The following GALNTL6 variants were observed in gnomAD, a reference collection of about 807,000 sequenced individuals.
The protein encoded by GALNTL6 is polypeptide N-acetylgalactosaminyltransferase-like 6.
Under a neutral mutation model 73.7 loss-of-function variants are expected in GALNTL6, and 46 were observed. That is an observed-to-expected ratio of 0.62 (90% CI 0.49 to 0.80). The LOEUF (loss-of-function observed/expected upper bound fraction) is 0.80, where lower values mean the gene tolerates loss of function less well. GALNTL6 is among the 30% of genes least tolerant of loss of function. The pLI, the probability that GALNTL6 is intolerant of heterozygous loss-of-function variation, is 0.00. For synonymous variants in GALNTL6, 259 were observed against 263.7 expected (o/e 0.98, Z 0.17); for missense variants, 604 against 755.0 (o/e 0.80, Z 2.34).
At chr4:172,003,683 G>A (rs753549621) in intron 2 of GALNTL6, among the ~76,000 whole-genome samples, 4 of 151,978 alleles carry the variant, frequency 2.6e-5, no homozygotes, top group African/African-American at 4.8e-5. Context: ...TCACCCCTTC[G>A]AAAGACCGTT....
intron 3 of GALNTL6, among the ~76,000 whole-genome samples, chr4:172,269,485 T>C (rs577345119): frequency 1.3e-5 from 2 of 152,068 alleles, no homozygotes; most frequent in African/African-American, 4.8e-5. Context: ...TTCCCTCCAA[T>C]GTCAGGAAGA....
At chr4:171,846,831 G>T (rs1309815798) in intron 2 of GALNTL6, among the ~76,000 whole-genome samples, 1 of 145,680 alleles carries the variant, frequency 6.9e-6, no homozygotes, top group Non-Finnish European at 1.5e-5. Flanking sequence ...TCTATCTATA[G>T]ATACATAAAT....
intron 7 of GALNTL6, among the ~76,000 whole-genome samples, chr4:172,851,530 G>A (rs2111110430): frequency 6.6e-6 from 1 of 152,066 alleles, no homozygotes; most frequent in Non-Finnish European, 1.5e-5. Flanking sequence ...AAAGACGTGT[G>A]CTTCAGTTCA....
At chr4:172,494,375 T>C (rs1329764460) in intron 5 of GALNTL6, among the ~76,000 whole-genome samples, 1 of 152,216 alleles carries the variant, frequency 6.6e-6, no homozygotes, top group Admixed American at 6.5e-5. Context: ...CATACTCTCA[T>C]GACATTTTCT....
chr4:172,207,218 T>G (rs539239799), intron 2 of GALNTL6, among the ~76,000 whole-genome samples: 157 of 152,294 alleles, frequency 1.0e-3, no homozygotes, highest in African/African-American at 3.4e-3. Flanking sequence ...TTGGATTTTA[T>G]TCTAATTATA....
Position 172,461,390 on chromosome 4 carries a change from G to A in GALNTL6, c.553+112701G>A, listed in dbSNP as rs554065593. ...AAATAAAAGATTTTTTTTCTCATAA[G>A]GGAAGATAAATTTTATAGCTAAAAT... On this transcript the variant is annotated intron_variant, in intron 5 of 12. Transcript: ENST00000506823. Among the ~76,000 whole-genome samples the A allele has an allele frequency of 1.6e-3, 239 of 152,118 alleles. 1 individual carries two copies. The highest frequency in any genetic ancestry group is 2.3e-3 in the Non-Finnish European group (158 of 67,974).
chr4:172,128,903 T>C (rs555817351), intron 2 of GALNTL6, among the ~76,000 whole-genome samples: 1 of 152,332 alleles, frequency 6.6e-6, no homozygotes, highest in East Asian at 1.9e-4. Context: ...TAATACCTTA[T>C]GTTATGGCTC....
chr4:172,374,510 A>G (rs1356840828), intron 5 of GALNTL6, among the ~76,000 whole-genome samples: 3 of 152,222 alleles, frequency 2.0e-5, no homozygotes, highest in Admixed American at 2.0e-4. Flanking sequence ...TAGCTGCTCG[A>G]GGAAAGCAGA....
intron 2 of GALNTL6, among the ~76,000 whole-genome samples, chr4:171,981,001 C>T (rs1394931599): frequency 6.6e-6 from 1 of 152,076 alleles, no homozygotes; most frequent in Non-Finnish European, 1.5e-5. Flanking sequence ...TTTCAAATGC[C>T]TTAAAATTGT....
intron 5 of GALNTL6, among the ~76,000 whole-genome samples, chr4:172,716,343 G>A (rs1296758357): frequency 1.3e-5 from 2 of 152,154 alleles, no homozygotes; most frequent in African/African-American, 4.8e-5. Flanking sequence ...CCCAGTCCAT[G>A]TTATGATGAG....
At chr4:172,131,548 G>T (rs1029547136) in intron 2 of GALNTL6, among the ~76,000 whole-genome samples, 3 of 150,560 alleles carry the variant, frequency 2.0e-5, no homozygotes, top group Middle Eastern at 3.5e-3. Flanking sequence ...GTGTTTGTGT[G>T]TGTATGCTTT....
chr4:172,489,960 T>TA (rs955530517), intron 5 of GALNTL6, among the ~76,000 whole-genome samples: 1 of 152,124 alleles, frequency 6.6e-6, no homozygotes, highest in African/African-American at 2.4e-5. Flanking sequence ...AAAATGTGGG[T>TA]AAAAAATCTG....
chr4:172,311,589 A>C (rs1422375429), intron 3 of GALNTL6, 25 bp from the exon 4 acceptor site: 1 of 1,583,612 alleles, frequency 6.3e-7, no homozygotes, highest in Non-Finnish European at 8.6e-7. Context: ...AGAGATGATA[A>C]TCTCATTTTG....
At chr4:172,250,323 A>G (rs1737814135) in intron 3 of GALNTL6, among the ~76,000 whole-genome samples, 1 of 149,938 alleles carries the variant, frequency 6.7e-6, no homozygotes, top group African/African-American at 2.5e-5. Flanking sequence ...TTGTAGGCTC[A>G]TAGGCAGAAG....
At chr4:172,175,585 G>A (rs533736278) in intron 2 of GALNTL6, among the ~76,000 whole-genome samples, 1 of 152,272 alleles carries the variant, frequency 6.6e-6, no homozygotes, top group South Asian at 2.1e-4. Context: ...AAGTGATTTT[G>A]GGGAAGAATG....
At chr4:172,430,668 G>A (rs1731414153) in intron 5 of GALNTL6, among the ~76,000 whole-genome samples, 1 of 152,064 alleles carries the variant, frequency 6.6e-6, no homozygotes, top group African/African-American at 2.4e-5. Context: ...AGCTTGGCTT[G>A]GTGGTACACT....
At chr4:172,210,556 A>G (rs938734929) in intron 2 of GALNTL6, among the ~76,000 whole-genome samples, 3 of 152,048 alleles carry the variant, frequency 2.0e-5, no homozygotes, top group African/African-American at 7.2e-5. Context: ...AGATGGGATT[A>G]TGTGTTTGGG....
chr4:172,836,308 A>G (rs1394619122), intron 7 of GALNTL6, among the ~76,000 whole-genome samples: 1 of 152,250 alleles, frequency 6.6e-6, no homozygotes, highest in Admixed American at 6.5e-5. Flanking sequence ...GCCAGGAAAG[A>G]GCACGATCTC....
chr4:172,665,863 T>C (rs1010832286), intron 5 of GALNTL6, among the ~76,000 whole-genome samples: 2 of 152,202 alleles, frequency 1.3e-5, no homozygotes, highest in African/African-American at 2.4e-5. Flanking sequence ...TTATTCCTCA[T>C]CACCATAAAG....
Sources: gnomAD v4.1 joint callset for allele counts (sites outside exome capture counted in the v4.1 genomes callset) on GRCh38, gnomAD v4.1.1 for gene constraint, MANE v1.5 for transcripts, NCBI Gene and HGNC (gene_info 2026-07-23, HGNC 2026-07-21) for gene names.